GMDS: variants seen among roughly 807,000 people sequenced by gnomAD.
GMDS encodes GDP-mannose 4,6 dehydratase.
A neutral mutation model predicts 49.9 loss-of-function variants in GMDS; 20 were observed. That is an observed-to-expected ratio of 0.40 (90% CI 0.28 to 0.58). The LOEUF is 0.58. Among genes scored for constraint, GMDS ranks in the 20% least tolerant of loss-of-function variants. GMDS has a pLI of 0.42. For synonymous variants in GMDS, 177 were observed against 178.6 expected, an observed-to-expected ratio of 0.99 and a Z score of 0.07; for missense variants, 362 against 481.4, an observed-to-expected ratio of 0.75 and a Z score of 2.32.
intron 4 of GMDS, among the ~76,000 whole-genome samples, chr6:2,072,338 G>T (rs1443785614): frequency 1.3e-5 from 2 of 152,170 alleles, no homozygotes; most frequent in African/African-American, 4.8e-5. Flanking sequence ...TACTCCTCGT[G>T]AATATTTGAA....
rs1026248061 is a variant in GMDS at position 1,766,189 on chromosome 6, G to A, written c.772-23603C>T. ...CTTTCAGTGCATCAAGATACCTGAT[G>A]CCATGATTAATTTTTGTGTGTGGCA... On this transcript the variant is annotated intron_variant, in intron 7 of 10. Transcript: ENST00000380815. This position sits in a 1 kb window ranked among gnomAD's most constrained non-coding sequence, Gnocchi z 4.5. 6.6e-6 allele frequency among the ~76,000 whole-genome samples: 1 copy of A among 151,638 alleles called. No homozygotes were observed. The highest frequency in any genetic ancestry group is 1.5e-5 in the Non-Finnish European group (1 of 67,748).
chr6:1,878,841 G>A (rs991293747), intron 7 of GMDS, among the ~76,000 whole-genome samples: 1 of 152,152 alleles, frequency 6.6e-6, no homozygotes, highest in Non-Finnish European at 1.5e-5. Flanking sequence ...GATACATACT[G>A]AAAAAAGCAA....
intron 8 of GMDS, among the ~76,000 whole-genome samples, chr6:1,740,947 G>A (rs1217155806): frequency 6.6e-6 from 1 of 152,130 alleles, no homozygotes; most frequent in African/African-American, 2.4e-5. Flanking sequence ...GCCACGAATT[G>A]TCAATATTTT....
chr6:1,873,025 C>T (rs547926590), intron 7 of GMDS, among the ~76,000 whole-genome samples: 5 of 152,192 alleles, frequency 3.3e-5, no homozygotes, highest in African/African-American at 1.2e-4. Context: ...CCCACTCTTT[C>T]GTCAGTCTGC....
At chr6:2,076,050 G>A (rs1277031691) in intron 4 of GMDS, among the ~76,000 whole-genome samples, 3 of 152,266 alleles carry the variant, frequency 2.0e-5, no homozygotes, top group African/African-American at 7.2e-5. Flanking sequence ...CTGCATAAAT[G>A]TCTTCTTTTG....
intron 9 of GMDS, among the ~76,000 whole-genome samples, chr6:1,629,774 G>A (rs974057458): frequency 1.3e-5 from 2 of 152,116 alleles, no homozygotes; most frequent in Non-Finnish European, 2.9e-5. Flanking sequence ...CCCTCTCGCC[G>A]ATCCCACTTT....
At chr6:2,050,056 C>CA (rs1442778121) in intron 4 of GMDS, among the ~76,000 whole-genome samples, 3 of 151,996 alleles carry the variant, frequency 2.0e-5, no homozygotes, top group Non-Finnish European at 4.4e-5. Flanking sequence ...CATAGAGACA[C>CA]AAAAAACCCT....
intron 2 of GMDS, among the ~76,000 whole-genome samples, chr6:2,119,209 T>A (rs558624707): frequency 6.6e-6 from 1 of 152,178 alleles, no homozygotes; most frequent in Non-Finnish European, 1.5e-5. Flanking sequence ...GCCCAAAATA[T>A]AGAGACATGC....
At chr6:2,010,350 A>G (rs540141642) in intron 4 of GMDS, among the ~76,000 whole-genome samples, 1 of 147,208 alleles carries the variant, frequency 6.8e-6, no homozygotes, top group East Asian at 2.0e-4. Flanking sequence ...AGAAAGAAAG[A>G]AAAAAAAAAA....
intron 1 of GMDS, among the ~76,000 whole-genome samples, chr6:2,238,283 T>C (rs1781461353): frequency 6.6e-6 from 1 of 151,176 alleles, no homozygotes; most frequent in Non-Finnish European, 1.5e-5. Flanking sequence ...CCAGGGAGGC[T>C]GAAGCAGGAG....
intron 1 of GMDS, among the ~76,000 whole-genome samples, chr6:2,189,478 G>C (rs775229249): frequency 6.6e-6 from 1 of 152,076 alleles, no homozygotes; most frequent in African/African-American, 2.4e-5. Flanking sequence ...GAATCAGCTG[G>C]GGAACCTGTC....
At chr6:2,040,371 T>A (rs991809558) in intron 4 of GMDS, among the ~76,000 whole-genome samples, 1 of 152,230 alleles carries the variant, frequency 6.6e-6, no homozygotes, top group East Asian at 1.9e-4. Flanking sequence ...AATTTTATGA[T>A]CATGCTTTTT....
intron 4 of GMDS, among the ~76,000 whole-genome samples, chr6:2,095,706 C>T (rs769702730): frequency 2.2e-4 from 34 of 152,220 alleles, no homozygotes; most frequent in African/African-American, 5.8e-4. Flanking sequence ...CTTTAATATA[C>T]GGGAATCTTA....
chr6:1,996,479 TA>T (rs2127372192), intron 4 of GMDS, among the ~76,000 whole-genome samples: 1 of 152,340 alleles, frequency 6.6e-6, no homozygotes, highest in East Asian at 1.9e-4. Context: ...GAAGTTTAAA[TA>T]AGATGAAGGT....
At chr6:2,108,242 T>C (rs905805775) in intron 4 of GMDS, among the ~76,000 whole-genome samples, 1 of 152,168 alleles carries the variant, frequency 6.6e-6, no homozygotes, top group Non-Finnish European at 1.5e-5. Context: ...TTAAAAATAA[T>C]TGTATGAATA....
chr6:1,897,702 G>A (rs1037886684), intron 7 of GMDS, among the ~76,000 whole-genome samples: 1 of 152,092 alleles, frequency 6.6e-6, no homozygotes, highest in African/African-American at 2.4e-5. Context: ...TGAAATACAC[G>A]ATAAATTATT....
chr6:1,924,077 C>A (rs1466248756), intron 7 of GMDS, among the ~76,000 whole-genome samples: 1 of 152,228 alleles, frequency 6.6e-6, no homozygotes, highest in African/African-American at 2.4e-5. Flanking sequence ...CTGATACAGC[C>A]AATAGCATAG....
intron 2 of GMDS, among the ~76,000 whole-genome samples, chr6:2,118,244 T>C (rs193137192): frequency 4.6e-5 from 7 of 152,306 alleles, no homozygotes; most frequent in African/African-American, 1.7e-4. Flanking sequence ...ACTTGCCTGA[T>C]ATTGAAGAAA....
intron 4 of GMDS, among the ~76,000 whole-genome samples, chr6:2,033,061 A>G (rs992382856): frequency 6.6e-6 from 1 of 152,244 alleles, no homozygotes; most frequent in African/African-American, 2.4e-5. Context: ...AAACAGTTGA[A>G]TGAATTATCA....
Sources: allele counts gnomAD v4.1 joint callset (sites outside exome capture counted in the v4.1 genomes callset), GRCh38; gene constraint gnomAD v4.1.1; non-coding constraint Gnocchi (gnomAD v3.1); transcripts MANE v1.5; gene names NCBI Gene and HGNC (gene_info 2026-07-23, HGNC 2026-07-21).